SAXO5: variants seen among roughly 807,000 people sequenced by gnomAD.
SAXO5 encodes testis expressed 45.
the SAXO5 span, chr19:7,504,154 G>A: frequency 1.2e-6 from 2 of 1,613,810 alleles, no homozygotes; most frequent in South Asian, 1.1e-5. Context: ...GACTACACGA[G>A]ACAAGATGGG....
At chr19:7,506,238 CAT>C in the SAXO5 span, 9 of 671,000 alleles carry the variant, frequency 1.3e-5, no homozygotes, top group East Asian at 3.9e-5. Flanking sequence ...GCCCCGCCCC[CAT>C]GGAGCCCCTC....
chr19:7,501,488 G>C, the SAXO5 span: 1 of 1,326,928 alleles, frequency 7.5e-7, no homozygotes, highest in South Asian at 1.7e-5. Flanking sequence ...CTTCCCCCAG[G>C]GAACATTTGG....
chr19:7,506,285 G>T, the SAXO5 span: 42 of 795,968 alleles, frequency 5.3e-5, no homozygotes, highest in South Asian at 6.2e-4. Flanking sequence ...GCCCCGTCCC[G>T]GGAAGCCCAG....
chr19:7,507,625 C>A, the SAXO5 span, among the ~76,000 whole-genome samples: 1 of 151,964 alleles, frequency 6.6e-6, no homozygotes, highest in Admixed American at 6.5e-5. Flanking sequence ...GCTCACCCCC[C>A]AGGGTCATGT....
the SAXO5 span, chr19:7,501,131 ACGCACGCTCGC>A: frequency 6.7e-5 from 101 of 1,506,754 alleles, no homozygotes; most frequent in Non-Finnish European, 8.9e-5. Flanking sequence ...AGGCGCGGGA[ACGCACGCTCGC>A]CATGCAGGCC....
chr19:7,506,424 A>T, the SAXO5 span: 1 of 523,986 alleles, frequency 1.9e-6, no homozygotes, highest in South Asian at 1.9e-5. Context: ...GCTCCTGGAT[A>T]ATCCCGCCCC....
chr19:7,497,575 G>GGAACAT, the SAXO5 span: 47,018 of 151,654 alleles, frequency 0.31, 7,705 homozygotes, highest in Non-Finnish European at 0.36. Context: ...AGCCTGGGAA[G>GGAACAT]GAACATGAGG....
chr19:7,503,684 C>T, the SAXO5 span, among the ~76,000 whole-genome samples: 1 of 152,088 alleles, frequency 6.6e-6, no homozygotes, highest in Non-Finnish European at 1.5e-5. Flanking sequence ...GGGGTTTCAC[C>T]GTATTGATCA....
the SAXO5 span, chr19:7,500,732 G>T: frequency 8.3e-7 from 1 of 1,203,338 alleles, no homozygotes; most frequent in Non-Finnish European, 1.1e-6. Context: ...CAGCAGAAAG[G>T]AGTCAAAAGC....
At chr19:7,505,592 G>A in the SAXO5 span, 162 of 1,614,074 alleles carry the variant, frequency 1.0e-4, no homozygotes, top group Non-Finnish European at 1.3e-4. Flanking sequence ...GGCCCCGGCA[G>A]TCTGGACACC....
chr19:7,501,804 G>C, the SAXO5 span, among the ~76,000 whole-genome samples: 1 of 151,656 alleles, frequency 6.6e-6, no homozygotes, highest in Non-Finnish European at 1.5e-5. Flanking sequence ...CTGGGAGACA[G>C]AGCAAGGCTC....
chr19:7,505,043 G>A, the SAXO5 span, among the ~76,000 whole-genome samples: 1,203 of 150,830 alleles, frequency 8.0e-3, 24 homozygotes, highest in African/African-American at 0.027. Context: ...GAGTGCAGTG[G>A]CACAATCTCA....
At chr19:7,506,269 C>T in the SAXO5 span, 77 of 1,024,426 alleles carry the variant, frequency 7.5e-5, no homozygotes, top group African/African-American at 7.5e-4. Context: ...GCCCCGCCCC[C>T]ACGGAGCCCC....
chr19:7,503,435 T>G, the SAXO5 span, among the ~76,000 whole-genome samples: 10 of 152,182 alleles, frequency 6.6e-5, no homozygotes, highest in Admixed American at 2.6e-4. Flanking sequence ...TTAACCTATG[T>G]GTGGCTCAAT....
chr19:7,500,665 T>G, the SAXO5 span: 1 of 629,968 alleles, frequency 1.6e-6, no homozygotes, highest in South Asian at 2.7e-5. Context: ...TGTACCAGTT[T>G]CCCGTGATGT....
chr19:7,506,203 G>GC, the SAXO5 span: 21 of 1,283,094 alleles, frequency 1.6e-5, no homozygotes, highest in South Asian at 3.4e-5. Flanking sequence ...ATGGAGCCCC[G>GC]CCCCGGGAAG....
the SAXO5 span, chr19:7,506,041 A>G: frequency 6.2e-7 from 1 of 1,613,778 alleles, no homozygotes; most frequent in Non-Finnish European, 8.5e-7. Flanking sequence ...TAGGGGAGCC[A>G]AAGCTACTCA....
At chr19:7,505,913 C>T in the SAXO5 span, 3 of 1,512,944 alleles carry the variant, frequency 2.0e-6, no homozygotes, top group Non-Finnish European at 2.7e-6. Context: ...CCCCCCCGGG[C>T]CCGGGGACCT....
the SAXO5 span, chr19:7,500,799 C>T: frequency 1.4e-6 from 2 of 1,436,824 alleles, no homozygotes; most frequent in South Asian, 1.5e-5. Flanking sequence ...TCTCCACCCT[C>T]TCGCAGGTGG....
Sources: gnomAD v4.1 joint callset for allele counts (sites outside exome capture counted in the v4.1 genomes callset) on GRCh38, gnomAD v4.1.1 for gene constraint, MANE v1.5 for transcripts, NCBI Gene and HGNC (gene_info 2026-07-23, HGNC 2026-07-21) for gene names.